The following CLEC16A variants were observed in gnomAD, a reference collection of about 807,000 sequenced individuals.
CLEC16A encodes the protein protein CLEC16A.
Under a neutral mutation model 109.5 loss-of-function variants are expected in CLEC16A, and 51 were observed. That is an observed-to-expected ratio of 0.47 (90% CI 0.37 to 0.59). The LOEUF is 0.59. Among genes scored for constraint, CLEC16A ranks in the 20% least tolerant of loss-of-function variants. CLEC16A has a pLI of 0.00. For synonymous variants in CLEC16A, 673 were observed against 564.2 expected, an observed-to-expected ratio of 1.19 and a Z score of -2.73; for missense variants, 1,339 against 1,394.0, an observed-to-expected ratio of 0.96 and a Z score of 0.63.
chr16:11,077,223 A>G (rs2049425298), intron 19 of CLEC16A, among the ~76,000 whole-genome samples: 1 of 152,022 alleles, frequency 6.6e-6, no homozygotes, highest in African/African-American at 2.4e-5. Context: ...TAATCCCAGC[A>G]CTTTGGGAGG....
At chr16:10,998,493 T>C (rs544653082) in intron 10 of CLEC16A, among the ~76,000 whole-genome samples, 50 of 152,334 alleles carry the variant, frequency 3.3e-4, no homozygotes, top group African/African-American at 9.6e-4. Context: ...CCCTGGGGCA[T>C]GTGTTGTGTA....
At chr16:11,104,026 C>A (rs545978902) in intron 19 of CLEC16A, among the ~76,000 whole-genome samples, 1 of 152,152 alleles carries the variant, frequency 6.6e-6, no homozygotes, top group Non-Finnish European at 1.5e-5. Flanking sequence ...TCTGTGGGTA[C>A]CAGGATCCCC....
intron 19 of CLEC16A, among the ~76,000 whole-genome samples, chr16:11,084,821 C>T (rs989000914): frequency 6.6e-6 from 1 of 152,200 alleles, no homozygotes; most frequent in Non-Finnish European, 1.5e-5. Context: ...CAGCGCCTCT[C>T]GAAGACACTG....
intron 19 of CLEC16A, among the ~76,000 whole-genome samples, chr16:11,083,196 T>C (rs12923098): frequency 0.34 from 52,294 of 152,048 alleles, 9,129 homozygotes; most frequent in African/African-American, 0.4. Context: ...AGGGTCTTGC[T>C]CTGTTGCCCA....
chr16:11,141,494 T>C (rs1296197739), intron 22 of CLEC16A, among the ~76,000 whole-genome samples: 2 of 152,126 alleles, frequency 1.3e-5, no homozygotes, highest in African/African-American at 4.8e-5. Flanking sequence ...GGGCACTGGG[T>C]TGTCGGGGAC....
intron 22 of CLEC16A, among the ~76,000 whole-genome samples, chr16:11,150,513 CCTCT>C (rs1362100100): frequency 6.6e-6 from 1 of 152,210 alleles, no homozygotes; most frequent in Admixed American, 6.5e-5. Context: ...CTTGGGCACA[CCTCT>C]CTCTGTGTGC....
At chr16:11,085,421 T>C (rs2049958649) in intron 19 of CLEC16A, among the ~76,000 whole-genome samples, 1 of 152,270 alleles carries the variant, frequency 6.6e-6, no homozygotes, top group Admixed American at 6.5e-5. Flanking sequence ...GCAGGCAGAC[T>C]CGGCCAAGAC....
chr16:10,985,176 C>A (rs2043556320), intron 10 of CLEC16A, among the ~76,000 whole-genome samples: 1 of 136,338 alleles, frequency 7.3e-6, no homozygotes, highest in African/African-American at 2.8e-5. Context: ...GCACTCCAGC[C>A]TGGGCGACAG....
chr16:11,077,964 CGTGTGTGTGTGTGTGTGTGT>C lies in CLEC16A; in HGVS notation c.2116+16969_2116+16988del, dbSNP rs34576806. Reference sequence around the variant, plus strand: ...GAAACTCCATCTCTACAAAAAAAAACGTGTGTGTGTGTGTGTGTGTGTGTGTGTGTGTGTGTGTGTGTGTG... The same window carrying C: ...GAAACTCCATCTCTACAAAAAAAAACGTGTGTGTGTGTGTGTGTGTGTGTG... On this transcript the variant is annotated intron_variant, in intron 19 of 23. Coordinates refer to ENST00000409790, the MANE Select transcript of CLEC16A (RefSeq NM_015226.3). Among the ~76,000 whole-genome samples, 250 of 135,624 alleles carry C rather than the reference CGTGTGTGTGTGTGTGTGTGT, an allele frequency of 1.8e-3. 1 individual carries two copies. The highest frequency in any genetic ancestry group is 3.1e-3 in the Admixed American group (42 of 13,496). 89.0% of individuals were successfully genotyped at this position (135,624 alleles called of 152,430 possible).
At chr16:11,000,952 CT>C (rs920422434) in intron 10 of CLEC16A, among the ~76,000 whole-genome samples, 2 of 152,138 alleles carry the variant, frequency 1.3e-5, no homozygotes, top group African/African-American at 2.4e-5. Flanking sequence ...TATTTTGAAA[CT>C]TTTTTTAAAT....
At chr16:11,022,607 T>G (rs1225618807) in intron 12 of CLEC16A, among the ~76,000 whole-genome samples, 1 of 152,052 alleles carries the variant, frequency 6.6e-6, no homozygotes, top group Non-Finnish European at 1.5e-5. Flanking sequence ...GGGTTAAATA[T>G]AGGCCTAAGA....
chr16:10,986,475 G>T (rs1001801047), intron 10 of CLEC16A, among the ~76,000 whole-genome samples: 1 of 152,172 alleles, frequency 6.6e-6, no homozygotes, highest in Non-Finnish European at 1.5e-5. Flanking sequence ...AACTTCAGAA[G>T]TACAATGTGC....
At chr16:11,084,299 A>G (rs2049892641) in intron 19 of CLEC16A, among the ~76,000 whole-genome samples, 1 of 151,916 alleles carries the variant, frequency 6.6e-6, no homozygotes. Flanking sequence ...TGTTCATGGC[A>G]TTTCCCACTG....
At position 11,093,883 on chromosome 16, in the gene CLEC16A, T is replaced by A. The variant is rs963018991; in HGVS notation, c.2117-26732T>A. On this transcript the variant is annotated intron_variant, in intron 19 of 23. Coordinates refer to ENST00000409790, the MANE Select transcript of CLEC16A (RefSeq NM_015226.3). ...CGGCAGCTGGTGAAACATGCCTCTC[T>A]CATTCACCCCAGGTGAGAGGACAGT... 2.0e-5 allele frequency among the ~76,000 whole-genome samples: 3 copies of A among 152,104 alleles called. No individual in the cohort carries two copies. The South Asian group carries it at 6.2e-4, about 32-fold the overall frequency.
chr16:11,156,607 G>A, intron 22 of CLEC16A: 1 of 1,304,296 alleles, frequency 7.7e-7, no homozygotes, highest in Non-Finnish European at 1.0e-6. Context: ...AGGCAGCCCA[G>A]ATGGCCGCTC....
At chr16:11,074,644 T>C (rs771535530) in intron 19 of CLEC16A, among the ~76,000 whole-genome samples, 3 of 152,232 alleles carry the variant, frequency 2.0e-5, no homozygotes, top group Non-Finnish European at 4.4e-5. Flanking sequence ...ACAATCATAA[T>C]TGAGCCACAT....
intron 10 of CLEC16A, among the ~76,000 whole-genome samples, chr16:10,994,957 C>A (rs1383157222): frequency 1.3e-5 from 2 of 152,202 alleles, no homozygotes; most frequent in African/African-American, 4.8e-5. Flanking sequence ...GGTTGTGCAC[C>A]TGGGCACTGG....
At chr16:10,993,728 G>T (rs369252245) in intron 10 of CLEC16A, among the ~76,000 whole-genome samples, 2 of 152,110 alleles carry the variant, frequency 1.3e-5, no homozygotes, top group East Asian at 3.9e-4. Flanking sequence ...ATAAGTGCTT[G>T]GTTTGTCATT....
At chr16:11,086,664 T>A (rs914309799) in intron 19 of CLEC16A, among the ~76,000 whole-genome samples, 2 of 152,300 alleles carry the variant, frequency 1.3e-5, no homozygotes, top group East Asian at 3.9e-4. Flanking sequence ...TGCCTCAGCC[T>A]CCCAAGTGGC....
Sources: allele counts gnomAD v4.1 joint callset (sites outside exome capture counted in the v4.1 genomes callset), GRCh38; gene constraint gnomAD v4.1.1; transcripts MANE v1.5; gene names NCBI Gene and HGNC (gene_info 2026-07-23, HGNC 2026-07-21).